The following RGS7 variants were observed in gnomAD, a reference collection of about 807,000 sequenced individuals.
RGS7 encodes the protein regulator of G-protein signaling 7.
Under a neutral mutation model 81.1 loss-of-function variants are expected in RGS7, and 27 were observed. That is an observed-to-expected ratio of 0.33 (90% CI 0.25 to 0.46). The LOEUF (loss-of-function observed/expected upper bound fraction) is 0.46. Among genes scored for constraint, RGS7 ranks in the 20% least tolerant of loss-of-function variants. The pLI is 1.00. For synonymous variants in RGS7, 208 were observed against 207.7 expected, an observed-to-expected ratio of 1.00 and a Z score of -0.01; for missense variants, 396 against 607.4, an observed-to-expected ratio of 0.65 and a Z score of 3.66.
At chr1:240,960,837 G>A (rs1366685444) in intron 4 of RGS7, among the ~76,000 whole-genome samples, 1 of 152,062 alleles carries the variant, frequency 6.6e-6, no homozygotes, top group Non-Finnish European at 1.5e-5. Context: ...CTAACTTTGT[G>A]GGAAAACAAT....
intron 2 of RGS7, among the ~76,000 whole-genome samples, chr1:241,221,113 A>AAGGG (rs1051324807): frequency 7.0e-6 from 1 of 142,340 alleles, no homozygotes; most frequent in Non-Finnish European, 1.6e-5. Flanking sequence ...GGAAGGAAGG[A>AAGGG]AGGGAGGGAA....
chr1:241,311,102 G>C (rs937535376), intron 2 of RGS7, among the ~76,000 whole-genome samples: 1 of 152,144 alleles, frequency 6.6e-6, no homozygotes, highest in Non-Finnish European at 1.5e-5. Context: ...TTTAAAATGA[G>C]ATAAAACTGA....
At chr1:240,827,044 C>T in intron 10 of RGS7, 54 bp downstream of exon 10, 2 of 1,386,444 alleles carry the variant, frequency 1.4e-6, no homozygotes, top group East Asian at 2.3e-5. Flanking sequence ...TGGCTGACGT[C>T]CTGTAAACAA....
intron 2 of RGS7, among the ~76,000 whole-genome samples, chr1:241,210,236 G>T (rs192037454): frequency 6.6e-6 from 1 of 152,168 alleles, no homozygotes. Flanking sequence ...TGCAACCTCT[G>T]CCTGCCAGGT....
chr1:240,979,845 G>A (rs558122016), intron 4 of RGS7, among the ~76,000 whole-genome samples: 1 of 152,246 alleles, frequency 6.6e-6, no homozygotes, highest in East Asian at 1.9e-4. Context: ...TGGAAGCAAA[G>A]GACAATCAAT....
chr1:240,779,573 G>A (rs1010749016), intron 18 of RGS7, among the ~76,000 whole-genome samples: 1 of 152,176 alleles, frequency 6.6e-6, no homozygotes, highest in African/African-American at 2.4e-5. Flanking sequence ...CACTGAATCT[G>A]CCAGCATCTT....
chr1:241,166,607 G>A (rs551772449), intron 2 of RGS7, among the ~76,000 whole-genome samples: 34 of 152,236 alleles, frequency 2.2e-4, no homozygotes, highest in South Asian at 1.2e-3. Context: ...CAGAATTATC[G>A]TGAATAAGTA....
At chr1:241,185,752 G>A (rs2072038620) in intron 2 of RGS7, among the ~76,000 whole-genome samples, 1 of 151,852 alleles carries the variant, frequency 6.6e-6, no homozygotes, top group Non-Finnish European at 1.5e-5. Flanking sequence ...AGCCAAAGAA[G>A]AAGTAATGAA....
chr1:241,324,502 A>G (rs2081386643), intron 2 of RGS7, among the ~76,000 whole-genome samples: 1 of 152,182 alleles, frequency 6.6e-6, no homozygotes, highest in Admixed American at 6.5e-5. Flanking sequence ...CTCATCATTG[A>G]ACTTTCTGTC....
At chr1:241,230,026 C>A (rs1020930628) in intron 2 of RGS7, among the ~76,000 whole-genome samples, 8 of 151,942 alleles carry the variant, frequency 5.3e-5, no homozygotes, top group Non-Finnish European at 1.0e-4. Flanking sequence ...AGGAGTCCAT[C>A]AGTTCACAAA....
intron 6 of RGS7, among the ~76,000 whole-genome samples, chr1:240,896,464 GGT>G (rs1558430733): frequency 6.6e-6 from 1 of 152,132 alleles, no homozygotes; most frequent in African/African-American, 2.4e-5. Context: ...TTTTGTATAA[GGT>G]GTAAGGAAGG....
intron 2 of RGS7, among the ~76,000 whole-genome samples, chr1:241,190,963 G>C (rs895815753): frequency 6.6e-6 from 1 of 151,792 alleles, no homozygotes; most frequent in African/African-American, 2.4e-5. Flanking sequence ...TCTTTATCAC[G>C]TTGTGAAAAT....
intron 2 of RGS7, among the ~76,000 whole-genome samples, chr1:241,131,326 T>C (rs1463332534): frequency 8.5e-5 from 13 of 152,222 alleles, no homozygotes. Context: ...TATTTCACTC[T>C]TTCTAGAACA....
chr1:241,229,005 T>C (rs987327095), intron 2 of RGS7, among the ~76,000 whole-genome samples: 2 of 151,416 alleles, frequency 1.3e-5, no homozygotes, highest in African/African-American at 4.9e-5. Flanking sequence ...ATAGGAAACC[T>C]CTGCACTATT....
At position 241,163,550 on chromosome 1, in the gene RGS7, G is replaced by T. The variant is rs779625751; in HGVS notation, c.79-64788C>A. Among the ~76,000 whole-genome samples the T allele has an allele frequency of 1.3e-5, 2 of 151,372 alleles. No individual in the cohort carries two copies. The highest frequency in any genetic ancestry group is 2.9e-5 in the Non-Finnish European group (2 of 67,832). On this transcript the variant is annotated intron_variant, in intron 2 of 18. Coordinates refer to ENST00000440928, the MANE Select transcript of RGS7 (RefSeq NM_001364886.1). The surrounding 1 kb of genome is among the most constrained non-coding windows in gnomAD (Gnocchi z 4.6). ...TGTCGACACCTTTGAAGGTCTGAAA[G>T]AAACATTTACCATCTATTCTCTCTG...
chr1:241,048,968 G>A (rs901201959), intron 3 of RGS7, among the ~76,000 whole-genome samples: 7 of 152,120 alleles, frequency 4.6e-5, no homozygotes, highest in African/African-American at 7.2e-5. Flanking sequence ...TTGCAGCTGC[G>A]GCACTTCAGT....
chr1:240,826,654 C>T (rs1330285083), intron 10 of RGS7, among the ~76,000 whole-genome samples: 1 of 152,144 alleles, frequency 6.6e-6, no homozygotes, highest in Non-Finnish European at 1.5e-5. Flanking sequence ...TCACTGGACT[C>T]AGAATAGCTT....
chr1:240,856,131 C>G (rs75438473), intron 9 of RGS7, among the ~76,000 whole-genome samples: 214 of 152,180 alleles, frequency 1.4e-3, no homozygotes, highest in African/African-American at 4.9e-3. Context: ...CTATGCCTTT[C>G]AATTATATTT....
intron 9 of RGS7, among the ~76,000 whole-genome samples, chr1:240,831,191 C>G (rs1693773663): frequency 6.6e-6 from 1 of 151,864 alleles, no homozygotes; most frequent in East Asian, 1.9e-4. Flanking sequence ...CTCGGAGGCC[C>G]TGTAATTTCT....
Sources: allele counts gnomAD v4.1 joint callset (sites outside exome capture counted in the v4.1 genomes callset), GRCh38; gene constraint gnomAD v4.1.1; non-coding constraint Gnocchi (gnomAD v3.1); transcripts MANE v1.5; gene names NCBI Gene and HGNC (gene_info 2026-07-23, HGNC 2026-07-21).